Variants in DNAH8 observed in about 807,000 individuals in gnomAD.
The protein encoded by DNAH8 is axonemal beta dynein heavy chain 8.
DNAH8 carries 382 observed loss-of-function variants against 562.1 expected under a neutral mutation model. The ratio of observed to expected loss-of-function variants is 0.68; its 90% confidence interval spans 0.63 to 0.74. DNAH8 has a LOEUF of 0.74. Ranked by LOEUF, DNAH8 falls within the 30% of genes least tolerant of loss-of-function variation. The pLI is 0.00. For missense variants in DNAH8, 5,203 were observed against 5,620.4 expected, an observed-to-expected ratio of 0.93 and a Z score of 2.37; for synonymous variants, 1,881 against 1,919.4, an observed-to-expected ratio of 0.98 and a Z score of 0.52.
intron 62 of DNAH8, among the ~76,000 whole-genome samples, chr6:38,903,033 C>T (rs185436976): frequency 1.0e-3 from 156 of 152,196 alleles, no homozygotes; most frequent in African/African-American, 3.6e-3. Flanking sequence ...AAATATGGAC[C>T]ATTGCATTAG....
At chr6:38,924,348 C>T (rs376967284) in intron 73 of DNAH8, among the ~76,000 whole-genome samples, 186 bp downstream of exon 73, 27 of 152,116 alleles carry the variant, frequency 1.8e-4, no homozygotes, top group African/African-American at 5.3e-4. Context: ...CCCATCTCTA[C>T]TAAAAATACA....
chr6:38,939,293 G>A lies in DNAH8; in HGVS notation c.12007+305G>A, dbSNP rs75449221. Among the ~76,000 whole-genome samples the A allele has an allele frequency of 9.3e-3, 1,414 of 152,280 alleles. 75 individuals are homozygous for A. The East Asian group carries it at 0.14, about 15-fold the overall frequency. ...ATACTGGTGATGGCTTTCTTTAGCA[G>A]GACAGCCATTCCCTCAGCAAGGGAG... On this transcript the variant is annotated intron_variant, in intron 79 of 92. Transcript: ENST00000327475.
At chr6:38,864,182 C>A in intron 45 of DNAH8, 122 bp downstream of exon 45, 6 of 867,732 alleles carry the variant, frequency 6.9e-6, no homozygotes, top group East Asian at 2.9e-5. Flanking sequence ...TTCTCTCTTA[C>A]CATATGATTT....
intron 31 of DNAH8, 43 bp from the exon 32 acceptor site, chr6:38,834,536 A>T: frequency 7.4e-7 from 1 of 1,349,496 alleles, no homozygotes; most frequent in Non-Finnish European, 1.0e-6. Context: ...TGACAAATAC[A>T]TATGATTAAG....
chr6:38,895,661 A>G (rs1474886127), intron 59 of DNAH8, among the ~76,000 whole-genome samples: 1 of 152,176 alleles, frequency 6.6e-6, no homozygotes, highest in Admixed American at 6.5e-5. Flanking sequence ...TACTTGTCAA[A>G]TGTTACTCCC....
intron 12 of DNAH8, among the ~76,000 whole-genome samples, chr6:38,772,971 CTTTTTTTTTTTTT>C (rs58784448): frequency 2.3e-5 from 2 of 88,084 alleles, no homozygotes; most frequent in South Asian, 4.7e-4. Flanking sequence ...GCTAATTAAA[CTTTTTTTTTTTTT>C]TTTTTTTTTT....
intron 68 of DNAH8, 60 bp from the exon 69 acceptor site, chr6:38,917,179 T>C: frequency 2.5e-6 from 3 of 1,178,918 alleles, no homozygotes; most frequent in South Asian, 2.1e-5. Flanking sequence ...GTATTAGATT[T>C]CCATATAACT....
chr6:38,874,307 TCCCC>T, intron 52 of DNAH8, among the ~76,000 whole-genome samples: 1 of 89,034 alleles, frequency 1.1e-5, no homozygotes, highest in Admixed American at 1.4e-4. Flanking sequence ...TCCCCTCCCC[TCCCC>T]TTCCCTTCCC....
intron 80 of DNAH8, among the ~76,000 whole-genome samples, chr6:38,946,524 T>C (rs1256859158): frequency 6.6e-6 from 1 of 152,170 alleles, no homozygotes; most frequent in Non-Finnish European, 1.5e-5. Context: ...AAGAAAGTGA[T>C]CTTGGGCTGG....
At chr6:38,913,977 T>C in intron 67 of DNAH8, 25 bp downstream of exon 67, 1 of 1,532,908 alleles carries the variant, frequency 6.5e-7, no homozygotes, top group Non-Finnish European at 9.0e-7. Flanking sequence ...ATTTTATCAC[T>C]GATGAGGAAT....
intron 9 of DNAH8, among the ~76,000 whole-genome samples, chr6:38,753,756 T>C (rs1765672538): frequency 1.3e-5 from 2 of 152,230 alleles, no homozygotes; most frequent in Admixed American, 1.3e-4. Context: ...TTCATCCTAG[T>C]AATTTTAAAA....
chr6:38,933,032 C>T (rs562849434), intron 76 of DNAH8: 1 of 152,482 alleles, frequency 6.6e-6, no homozygotes, highest in East Asian at 1.9e-4. Flanking sequence ...GATCCCGTTC[C>T]TCTTCCACAG....
intron 91 of DNAH8, among the ~76,000 whole-genome samples, chr6:39,018,181 G>A (rs1185790819): frequency 6.6e-6 from 1 of 152,182 alleles, no homozygotes; most frequent in Non-Finnish European, 1.5e-5. Context: ...CTTTCTGTGT[G>A]AGCAGCTTTT....
chr6:38,761,997 A>G (rs989176890), intron 11 of DNAH8, among the ~76,000 whole-genome samples, 194 bp downstream of exon 11: 6 of 152,104 alleles, frequency 3.9e-5, no homozygotes, highest in African/African-American at 1.4e-4. Flanking sequence ...TTTAATTCTC[A>G]TCTCCTCCAT....
intron 67 of DNAH8, 148 bp from the exon 68 acceptor site, chr6:38,915,053 A>G (rs1205074305): frequency 1.6e-6 from 1 of 623,778 alleles, no homozygotes; most frequent in Non-Finnish European, 2.5e-6. Flanking sequence ...TTACTTTAAT[A>G]TACCTTAAAA....
In DNAH8 at chr6:38,734,553, A is replaced by G; in HGVS notation, c.690A>G (p.Lys230=). Residue 230 remains lysine, a synonymous_variant, in exon 5 of 93, where the codon AAA becomes AAG. Transcript: ENST00000327475. The part of the protein sequence containing the change: ...KLYIDNAAPD[K]LKGLCIFFVR... ...ATATAGACAATGCAGCCCCGGATAA[A>G]CTAAAAGGACTGTGCATATTTTTTG... 6.2e-7 allele frequency: 1 copy of G among 1,613,916 alleles called. No individual in the cohort carries two copies. The highest frequency in any genetic ancestry group is 8.5e-7 in the Non-Finnish European group (1 of 1,179,986).
intron 17 of DNAH8, among the ~76,000 whole-genome samples, chr6:38,786,561 G>A (rs190616809): frequency 6.1e-4 from 93 of 152,278 alleles, no homozygotes; most frequent in African/African-American, 2.0e-3. Context: ...TGATTTTGTG[G>A]CTTTGCAGAC....
intron 13 of DNAH8, among the ~76,000 whole-genome samples, chr6:38,776,764 C>T (rs992180042): frequency 2.0e-4 from 31 of 152,154 alleles, no homozygotes; most frequent in African/African-American, 7.2e-4. Context: ...GAAGGGTAGT[C>T]AGAAAGTATG....
rs540587074 is a variant in DNAH8 at position 38,730,936 on chromosome 6, C to T, written c.610+950C>T. 3.9e-5 allele frequency among the ~76,000 whole-genome samples: 6 copies of T among 152,310 alleles called. No individual in the cohort carries two copies. The South Asian group carries it at 8.3e-4, about 21-fold the overall frequency. On this transcript the variant is annotated intron_variant, in intron 4 of 92. Coordinates refer to ENST00000327475, the MANE Select transcript of DNAH8 (RefSeq NM_001206927.2). ...CTACCCGGCTCCTTCAGAACACCTC[C>T]AGCAGAGCCCTTCCCAGGGTGTTCC...
Sources: gnomAD v4.1 joint callset for allele counts (sites outside exome capture counted in the v4.1 genomes callset) on GRCh38, gnomAD v4.1.1 for gene constraint, MANE v1.5 for transcripts, NCBI Gene and HGNC (gene_info 2026-07-23, HGNC 2026-07-21) for gene names.